The following SORCS1 variants were observed in gnomAD, a reference collection of about 807,000 sequenced individuals.
SORCS1 encodes sortilin related VPS10 domain containing receptor 1.
In SORCS1, 60 loss-of-function variants were observed where a neutral mutation model predicts 146.1. The observed-to-expected ratio is 0.41, with a 90% CI of 0.33 to 0.51. SORCS1 has a LOEUF of 0.51. Among genes scored for constraint, SORCS1 ranks in the 20% least tolerant of loss-of-function variants. SORCS1 has a pLI of 0.21. For synonymous variants in SORCS1, 637 were observed against 584.0 expected, an observed-to-expected ratio of 1.09 and a Z score of -1.31; for missense variants, 1,352 against 1,487.6, an observed-to-expected ratio of 0.91 and a Z score of 1.50.
At chr10:106,726,035 T>C (rs1390632282) in intron 6 of SORCS1, among the ~76,000 whole-genome samples, 2 of 151,942 alleles carry the variant, frequency 1.3e-5, no homozygotes, top group Admixed American at 1.3e-4. Flanking sequence ...ATAAATACAC[T>C]GTCAAACTTT....
intron 6 of SORCS1, among the ~76,000 whole-genome samples, chr10:106,723,053 G>A (rs569186849): frequency 5.9e-5 from 9 of 152,096 alleles, no homozygotes; most frequent in African/African-American, 2.2e-4. Context: ...TTTCATCTGG[G>A]TGTGGTGGCT....
intron 1 of SORCS1, among the ~76,000 whole-genome samples, chr10:107,067,031 G>A (rs527643946): frequency 2.6e-5 from 4 of 152,300 alleles, no homozygotes; most frequent in African/African-American, 9.6e-5. Flanking sequence ...GAGGGGTACA[G>A]TAAAACCACA....
At chr10:106,646,611 G>A (rs1400604385) in intron 18 of SORCS1, among the ~76,000 whole-genome samples, 4 of 152,082 alleles carry the variant, frequency 2.6e-5, no homozygotes, top group South Asian at 2.1e-4. Context: ...CAGGAGAATC[G>A]CTTGACCCCA....
chr10:106,690,330 G>C (rs11193013), intron 9 of SORCS1, among the ~76,000 whole-genome samples: 1 of 152,182 alleles, frequency 6.6e-6, no homozygotes, highest in East Asian at 1.9e-4. Context: ...ACCATTCCCA[G>C]AAATGACAAA....
At chr10:106,816,191 C>G (rs533601644) in intron 3 of SORCS1, among the ~76,000 whole-genome samples, 1 of 152,132 alleles carries the variant, frequency 6.6e-6, no homozygotes, top group African/African-American at 2.4e-5. Flanking sequence ...AATTATAAAC[C>G]TTTCAATACC....
chr10:107,177,210 T>G, the SORCS1 span, among the ~76,000 whole-genome samples: 1 of 152,178 alleles, frequency 6.6e-6, no homozygotes, highest in Non-Finnish European at 1.5e-5. Context: ...TACCCTAAAG[T>G]CTGTCTTTTA....
At chr10:106,583,457 G>A (rs1845041068) in intron 24 of SORCS1, among the ~76,000 whole-genome samples, 1 of 152,212 alleles carries the variant, frequency 6.6e-6, no homozygotes, top group Middle Eastern at 3.4e-3. Flanking sequence ...AACACTCTAG[G>A]AAATGCCTCT....
intron 2 of SORCS1, among the ~76,000 whole-genome samples, chr10:106,869,276 G>T (rs1950323661): frequency 6.6e-6 from 1 of 152,166 alleles, no homozygotes; most frequent in East Asian, 1.9e-4. Flanking sequence ...GTAAGAGCTG[G>T]TACCATTCTT....
At chr10:107,153,213 T>C (rs969167030) in intron 1 of SORCS1, among the ~76,000 whole-genome samples, 6 of 152,094 alleles carry the variant, frequency 3.9e-5, no homozygotes, top group African/African-American at 1.4e-4. Context: ...TGGAGCTCTC[T>C]TTCCAATCAG....
chr10:106,926,355 T>C (rs560231058), intron 2 of SORCS1, among the ~76,000 whole-genome samples: 1 of 152,342 alleles, frequency 6.6e-6, no homozygotes, highest in East Asian at 1.9e-4. Context: ...TGAGTTTTAA[T>C]AGTAGCTTGC....
intron 2 of SORCS1, among the ~76,000 whole-genome samples, chr10:106,845,433 G>GT (rs1281917803): frequency 6.2e-5 from 4 of 64,806 alleles, no homozygotes; most frequent in African/African-American, 1.7e-4. Context: ...GGGGTTGTTT[G>GT]TTTTTTTCTT....
At chr10:106,895,627 A>C (rs765476199) in intron 2 of SORCS1, among the ~76,000 whole-genome samples, 3 of 152,302 alleles carry the variant, frequency 2.0e-5, no homozygotes, top group East Asian at 3.9e-4. Flanking sequence ...ACTACTACTA[A>C]TAATAAAATA....
intron 1 of SORCS1, among the ~76,000 whole-genome samples, chr10:107,138,971 G>A (rs1177583106): frequency 1.3e-5 from 2 of 152,158 alleles, no homozygotes; most frequent in African/African-American, 2.4e-5. Flanking sequence ...CACGTAAGAT[G>A]GAGTTTTGTG....
At chr10:106,822,782 G>GTTTTTTTGTTTT (rs1948107568) in intron 3 of SORCS1, among the ~76,000 whole-genome samples, 1 of 113,150 alleles carries the variant, frequency 8.8e-6, no homozygotes, top group South Asian at 3.0e-4. Context: ...TTCATGTGTG[G>GTTTTTTTGTTTT]TTTTTTTTTT....
intron 2 of SORCS1, among the ~76,000 whole-genome samples, chr10:106,850,943 C>G (rs1949545069): frequency 6.6e-6 from 1 of 152,182 alleles, no homozygotes; most frequent in South Asian, 2.1e-4. Flanking sequence ...CAAAAAAACA[C>G]AGAAACTTGG....
Position 106,574,890 on chromosome 10 carries a change from G to A in SORCS1, c.*2530C>T, listed in dbSNP as rs1018082672. 2.6e-5 allele frequency: 4 copies of A among 152,538 alleles called. No homozygotes were observed. The highest frequency in any genetic ancestry group is 1.9e-4 in the East Asian group (1 of 5,180). The allele number at this position is 152,538 out of a possible 1,614,324, so 9.4% of individuals were successfully genotyped here. A position where few individuals can be genotyped will look rare whatever the true frequency, so the allele number is the denominator to read the frequency against. On this transcript the variant is annotated 3_prime_UTR_variant, in exon 26 of 26. Coordinates refer to ENST00000263054, the MANE Select transcript of SORCS1 (RefSeq NM_052918.5). ...CTTTGGTCACTTCCCAAAATGCCAG[G>A]TATCTCATGTCGACCTCTATTTTTA...
chr10:106,873,767 A>AT (rs1271610228), intron 2 of SORCS1, among the ~76,000 whole-genome samples: 2 of 152,200 alleles, frequency 1.3e-5, no homozygotes, highest in African/African-American at 4.8e-5. Context: ...AATTACACCA[A>AT]TAACTCCTTC....
intron 2 of SORCS1, among the ~76,000 whole-genome samples, chr10:106,928,184 G>A (rs1286837756): frequency 3.3e-5 from 5 of 152,230 alleles, no homozygotes; most frequent in African/African-American, 4.8e-5. Context: ...GGCTCGGGCC[G>A]CACAGGAGCC....
chr10:106,673,703 T>A (rs1174301385), intron 14 of SORCS1, among the ~76,000 whole-genome samples: 1 of 152,182 alleles, frequency 6.6e-6, no homozygotes, highest in Non-Finnish European at 1.5e-5. Context: ...GTTTCCATGC[T>A]ATTTTACTTT....
Sources: gnomAD v4.1 joint callset for allele counts (sites outside exome capture counted in the v4.1 genomes callset) on GRCh38, gnomAD v4.1.1 for gene constraint, MANE v1.5 for transcripts, NCBI Gene and HGNC (gene_info 2026-07-23, HGNC 2026-07-21) for gene names.